The following SLC25A38 variants were observed in gnomAD, a reference collection of about 807,000 sequenced individuals.
SLC25A38 encodes solute carrier family 25 member 38, also known as mitochondrial glycine transporter.
A neutral mutation model predicts 33.4 loss-of-function variants in SLC25A38; 27 were observed. That is an observed-to-expected ratio of 0.81 (90% CI 0.60 to 1.11). The LOEUF is 1.11. SLC25A38 is among the 50% of genes most tolerant of loss of function. The probability of loss-of-function intolerance (pLI) is 0.00; values close to 1 mark genes in which losing one functional copy is unlikely to be tolerated. For synonymous variants in SLC25A38, 123 were observed against 145.9 expected, an observed-to-expected ratio of 0.84 and a Z score of 1.13; for missense variants, 344 against 388.8, an observed-to-expected ratio of 0.88 and a Z score of 0.97.
At chr3:39,383,829 G>A in intron 1 of SLC25A38, 36 bp downstream of exon 1, 1 of 1,611,202 alleles carries the variant, frequency 6.2e-7, no homozygotes. Flanking sequence ...GCAGGGGTCC[G>A]AACCGCGGGC....
At position 39,396,527 on chromosome 3, in the gene SLC25A38, G is replaced by A; in HGVS notation, c.*7G>A. On this transcript the variant is annotated 3_prime_UTR_variant, in exon 7 of 7. Transcript: ENST00000650617. Reference sequence around the variant, plus strand: ...GATGGGCCTGAAGTCCTGACCAAGAGAGGACTGGGAACGGGTGAAATCTGT... The same window carrying A: ...GATGGGCCTGAAGTCCTGACCAAGAAAGGACTGGGAACGGGTGAAATCTGT... 1 of 1,614,050 alleles carries A rather than the reference G, an allele frequency of 6.2e-7. No homozygotes were observed. Among genetic ancestry groups the A allele is most frequent in the Non-Finnish European group, 8.5e-7 (1 of 1,179,972 alleles).
At chr3:39,395,585 T>C (rs1268537139) in intron 6 of SLC25A38, among the ~76,000 whole-genome samples, 1 of 152,116 alleles carries the variant, frequency 6.6e-6, no homozygotes, top group East Asian at 1.9e-4. Context: ...ATTTTCTTTA[T>C]GTGAAATCGC....
Position 39,389,325 on chromosome 3 carries a change from A to G in SLC25A38, c.70-170A>G, listed in dbSNP as rs906219556. Reference sequence around the variant, plus strand: ...CCAATGTCCTCAATAACATTGCAGTATTTTTAATTTCTGGCTATACTTTTT... The same window carrying G: ...CCAATGTCCTCAATAACATTGCAGTGTTTTTAATTTCTGGCTATACTTTTT... On this transcript the variant is annotated intron_variant, in intron 1 of 6. Transcript: ENST00000650617. This position sits in a 1 kb window ranked among gnomAD's most constrained non-coding sequence, Gnocchi z 4.5. The G allele has an allele frequency of 9.0e-6, 9 of 1,004,586 alleles. No individual in the cohort carries two copies. The highest frequency in any genetic ancestry group is 2.6e-5 in the East Asian group (1 of 38,696). 62.2% of individuals were successfully genotyped at this position (1,004,586 alleles called of 1,614,324 possible).
rs772297372 is a variant in SLC25A38, at chr3:39,391,954, T to A, written c.558T>A (p.Leu186=). Residue 186 remains leucine, a synonymous_variant, in exon 5 of 7, where the codon CTT becomes CTA. Transcript: ENST00000650617. ...TCAGTGGCCTGACAGCAACTCTCCT[T>A]CGAGATGCGCCCTTCTCAGGAATCT... is the stretch of plus-strand genomic sequence containing the variant. The part of the protein sequence containing the change: ...GLFSGLTATL[L]RDAPFSGIYL... The A allele has an allele frequency of 6.2e-7, 1 of 1,614,194 alleles. No homozygotes were observed.
At chr3:39,391,247 T>C (rs2041762877) in intron 3 of SLC25A38, among the ~76,000 whole-genome samples, 194 bp from the exon 4 acceptor site, 1 of 152,218 alleles carries the variant, frequency 6.6e-6, no homozygotes, top group African/African-American at 2.4e-5. Flanking sequence ...CAGCAGAAAC[T>C]GGTTTTATAA....
At chr3:39,390,364 T>A in intron 2 of SLC25A38, 59 bp from the exon 3 acceptor site, 1 of 1,560,494 alleles carries the variant, frequency 6.4e-7, no homozygotes, top group Admixed American at 1.7e-5. Flanking sequence ...GGGAATTGTT[T>A]TATGAGGAAG....
intron 5 of SLC25A38, among the ~76,000 whole-genome samples, chr3:39,393,838 T>C (rs1202286375): frequency 1.3e-5 from 2 of 152,232 alleles, no homozygotes; most frequent in Non-Finnish European, 2.9e-5. Context: ...GTCCCAATAA[T>C]GTACTTCGTA....
intron 5 of SLC25A38, 85 bp from the exon 6 acceptor site, chr3:39,394,325 G>C (rs933917168): frequency 2.6e-6 from 4 of 1,547,342 alleles, no homozygotes; most frequent in Middle Eastern, 2.3e-4. Flanking sequence ...TCTTGGTTTG[G>C]GGAAGAATTG....
In SLC25A38 at chr3:39,391,845, C is replaced by G; in HGVS notation, c.457-8C>G. On this transcript the variant is annotated splice_region_variant and splice_polypyrimidine_tract_variant and intron_variant, in intron 4 of 6. Transcript: ENST00000650617. ...ATGCGAGTCACTGGTTCTGTGCTCT[C>G]TTTGCAGAGTGGGAAATATGGCTAT... is the stretch of plus-strand genomic sequence containing the variant. The G allele has an allele frequency of 1.9e-6, 3 of 1,613,136 alleles. No individual in the cohort carries two copies. The highest frequency in any genetic ancestry group is 2.5e-6 in the Non-Finnish European group (3 of 1,179,930).
chr3:39,396,856 C>T lies in SLC25A38; in HGVS notation c.*336C>T, dbSNP rs546190531. The T allele has an allele frequency of 4.0e-5, 15 of 374,130 alleles. 1 individual carries two copies. Among genetic ancestry groups the T allele is most frequent in the South Asian group, 3.1e-4 (14 of 45,766 alleles). 23.2% of individuals were successfully genotyped at this position (374,130 alleles called of 1,614,324 possible). On this transcript the variant is annotated 3_prime_UTR_variant, in exon 7 of 7. Coordinates refer to ENST00000650617, the MANE Select transcript of SLC25A38 (RefSeq NM_017875.4). ...GCCCCACCCCTACACCACAGGGTCT[C>T]CTTGGGTATGTTCTTGGGCAAGCAA...
rs1431554604 is a variant in SLC25A38 at position 39,389,972 on chromosome 3, G to A, written c.191+356G>A. ...TATTTGTTTTTTGAGGCAGATGCTC[G>A]CTCTGTTGCCCAGATTGGAGTGCAG... On this transcript the variant is annotated intron_variant, in intron 2 of 6. Transcript: ENST00000650617. The surrounding 1 kb of genome is among the most constrained non-coding windows in gnomAD (Gnocchi z 4.5). Among the ~76,000 whole-genome samples, 6 of 152,080 alleles carry A rather than the reference G, an allele frequency of 3.9e-5. No homozygotes were observed. The highest frequency in any genetic ancestry group is 4.1e-4 in the South Asian group (2 of 4,830).
At chr3:39,386,055 C>G (rs1035178407) in intron 1 of SLC25A38, among the ~76,000 whole-genome samples, 1 of 152,086 alleles carries the variant, frequency 6.6e-6, no homozygotes, top group Non-Finnish European at 1.5e-5. Flanking sequence ...GAATATGAAC[C>G]AATTAAAGGG....
intron 3 of SLC25A38, 63 bp downstream of exon 3, chr3:39,390,570 T>C (rs2041753524): frequency 6.6e-7 from 1 of 1,510,904 alleles, no homozygotes; most frequent in African/African-American, 1.4e-5. Context: ...CTATTTCTCA[T>C]CTACCTTACC....
chr3:39,388,170 T>C (rs900463057), intron 1 of SLC25A38, among the ~76,000 whole-genome samples: 3 of 152,028 alleles, frequency 2.0e-5, no homozygotes, highest in Admixed American at 2.0e-4. Flanking sequence ...CATGAGAATA[T>C]TGGTTGGCAG....
intron 1 of SLC25A38, among the ~76,000 whole-genome samples, chr3:39,387,218 C>T (rs1275999380): frequency 6.6e-6 from 1 of 152,204 alleles, no homozygotes; most frequent in Non-Finnish European, 1.5e-5. Flanking sequence ...TGGCCAGTGG[C>T]TTCAACCCCT....
At chr3:39,390,689 C>T (rs2125578925) in intron 3 of SLC25A38, among the ~76,000 whole-genome samples, 182 bp downstream of exon 3, 1 of 152,302 alleles carries the variant, frequency 6.6e-6, no homozygotes, top group South Asian at 2.1e-4. Flanking sequence ...GTTGCATTTG[C>T]ACATTATGCT....
rs368989667 is a variant in SLC25A38 at position 39,391,630 on chromosome 3, A to G, written c.456+10A>G. ...CAAGACGCGCTATGAGGTGAGTTCA[A>G]CCACTTTAGGGCCTCAGGATAGTTC... On this transcript the variant is annotated intron_variant, in intron 4 of 6. Transcript: ENST00000650617. 4.8e-5 allele frequency: 78 copies of G among 1,614,184 alleles called. No homozygotes were observed. The African/African-American group carries it at 8.3e-4, about 17-fold the overall frequency.
rs199654273 is a variant in SLC25A38 at position 39,396,523 on chromosome 3, A to G, written c.*3A>G. ...CCAAGATGGGCCTGAAGTCCTGACCAAGAGAGGACTGGGAACGGGTGAAAT... is the reference window on the plus strand; with the variant it reads ...CCAAGATGGGCCTGAAGTCCTGACCGAGAGAGGACTGGGAACGGGTGAAAT... On this transcript the variant is annotated 3_prime_UTR_variant, in exon 7 of 7. Coordinates refer to ENST00000650617, the MANE Select transcript of SLC25A38 (RefSeq NM_017875.4). 5 of 1,614,032 alleles carry G rather than the reference A, an allele frequency of 3.1e-6. No individual in the cohort carries two copies. The African/African-American group carries it at 4.0e-5, about 13-fold the overall frequency.
At position 39,389,336 on chromosome 3, in the gene SLC25A38, C is replaced by A; in HGVS notation, c.70-159C>A. On this transcript the variant is annotated intron_variant, in intron 1 of 6. Transcript: ENST00000650617. The surrounding 1 kb of genome is among the most constrained non-coding windows in gnomAD (Gnocchi z 4.5). ...AATAACATTGCAGTATTTTTAATTTCTGGCTATACTTTTTCCTTCTCCGAG... is the reference window on the plus strand; with the variant it reads ...AATAACATTGCAGTATTTTTAATTTATGGCTATACTTTTTCCTTCTCCGAG... 1 of 1,102,008 alleles carries A rather than the reference C, an allele frequency of 9.1e-7. No homozygotes were observed. 68.3% of individuals were successfully genotyped at this position (1,102,008 alleles called of 1,614,324 possible). A position where few individuals can be genotyped will look rare whatever the true frequency, so the allele number is the denominator to read the frequency against.
Sources: gnomAD v4.1 joint callset for allele counts (sites outside exome capture counted in the v4.1 genomes callset) on GRCh38, gnomAD v4.1.1 for gene constraint, Gnocchi (gnomAD v3.1) non-coding constraint, MANE v1.5 for transcripts, NCBI Gene and HGNC (gene_info 2026-07-23, HGNC 2026-07-21) for gene names.